LURAP1L: variants seen among roughly 807,000 people sequenced by gnomAD.
The protein encoded by LURAP1L is leucine rich adaptor protein 1 like.
Under a neutral mutation model 13.8 loss-of-function variants are expected in LURAP1L, and 12 were observed. The observed-to-expected ratio is 0.87, with a 90% CI of 0.56 to 1.41. The LOEUF (loss-of-function observed/expected upper bound fraction) is 1.41. LURAP1L is among the 40% of genes most tolerant of loss of function. The pLI, the probability that LURAP1L is intolerant of heterozygous loss-of-function variation, is 0.00. For missense variants in LURAP1L, 375 were observed against 292.9 expected, an observed-to-expected ratio of 1.28 and a Z score of -2.04; for synonymous variants, 139 against 119.2, an observed-to-expected ratio of 1.17 and a Z score of -1.08.
At chr9:12,798,695 A>G (rs181673302) in intron 1 of LURAP1L, among the ~76,000 whole-genome samples, 15 of 152,340 alleles carry the variant, frequency 9.8e-5, no homozygotes, top group Non-Finnish European at 1.9e-4. Context: ...TTTGCAAACT[A>G]TTTAATCTGG....
At chr9:12,790,309 A>G (rs1819423015) in intron 1 of LURAP1L, among the ~76,000 whole-genome samples, 1 of 152,194 alleles carries the variant, frequency 6.6e-6, no homozygotes, top group African/African-American at 2.4e-5. Flanking sequence ...AGCTGTGACT[A>G]ATCAATGCTT....
intron 1 of LURAP1L, among the ~76,000 whole-genome samples, chr9:12,786,572 ATATATAT>A (rs1819357437): frequency 9.3e-5 from 12 of 128,492 alleles, no homozygotes; most frequent in South Asian, 5.5e-4. Flanking sequence ...ATATATATAT[ATATATAT>A]ATAAACCCTT....
At position 12,820,562 on chromosome 9, in the gene LURAP1L, C is replaced by T. The variant is rs1037940935; in HGVS notation, c.313-824C>T. On this transcript the variant is annotated intron_variant, in intron 1 of 1. Transcript: ENST00000319264. Reference sequence around the variant, plus strand: ...CCTAGAAGGCACATAAGGGAATTCTCAGACCTTCCCAACATCTGGTATCCC... The same window carrying T: ...CCTAGAAGGCACATAAGGGAATTCTTAGACCTTCCCAACATCTGGTATCCC... Among the ~76,000 whole-genome samples, 66 of 132,814 alleles carry T rather than the reference C, an allele frequency of 5.0e-4. 1 individual carries two copies. Among genetic ancestry groups the T allele is most frequent in the Non-Finnish European group, 1.7e-4 (11 of 64,888 alleles). The allele number at this position is 132,814 out of a possible 152,430, so 87.1% of individuals were successfully genotyped here. A position where few individuals can be genotyped will look rare whatever the true frequency, so the allele number is the denominator to read the frequency against.
chr9:12,814,853 T>C (rs1819783250), intron 1 of LURAP1L, among the ~76,000 whole-genome samples: 1 of 152,144 alleles, frequency 6.6e-6, no homozygotes, highest in South Asian at 2.1e-4. Flanking sequence ...GTTCCACATA[T>C]AAACAACAAA....
At chr9:12,779,337 CG>C (rs1293763174) in intron 1 of LURAP1L, among the ~76,000 whole-genome samples, 8 of 130,082 alleles carry the variant, frequency 6.1e-5, no homozygotes, top group South Asian at 2.4e-4. Flanking sequence ...TGCAGTGGAG[CG>C]ATCTCGGCTC....
At chr9:12,807,113 A>ATC (rs1338399443) in intron 1 of LURAP1L, among the ~76,000 whole-genome samples, 3 of 139,386 alleles carry the variant, frequency 2.2e-5, no homozygotes, top group African/African-American at 5.3e-5. Context: ...ATATATATAT[A>ATC]TATATTAGCC....
intron 1 of LURAP1L, among the ~76,000 whole-genome samples, chr9:12,816,072 G>A (rs562230404): frequency 1.2e-4 from 19 of 152,158 alleles, no homozygotes; most frequent in South Asian, 4.2e-4. Context: ...AAACAATTTC[G>A]TAATCAAATG....
At chr9:12,777,100 G>C (rs1405712858) in intron 1 of LURAP1L, 1 of 354,478 alleles carries the variant, frequency 2.8e-6, no homozygotes, top group African/African-American at 2.2e-5. Context: ...AGTAGGCTAG[G>C]AGATTTCTAT....
At chr9:12,778,648 T>C (rs1286467332) in intron 1 of LURAP1L, among the ~76,000 whole-genome samples, 3 of 152,204 alleles carry the variant, frequency 2.0e-5, no homozygotes, top group Admixed American at 2.0e-4. Context: ...ATACTCTCTG[T>C]AGAGACGATG....
intron 1 of LURAP1L, among the ~76,000 whole-genome samples, chr9:12,805,469 C>T (rs1025672748): frequency 6.6e-6 from 1 of 152,120 alleles, no homozygotes; most frequent in African/African-American, 2.4e-5. Flanking sequence ...ACCTACAGGA[C>T]TTGAAATTCA....
At chr9:12,794,358 C>CT (rs1323367907) in intron 1 of LURAP1L, among the ~76,000 whole-genome samples, 1 of 151,934 alleles carries the variant, frequency 6.6e-6, no homozygotes, top group Non-Finnish European at 1.5e-5. Context: ...AATTCTGTTA[C>CT]TTTTTTTAAA....
In LURAP1L at chr9:12,785,925, G is replaced by A. The variant is rs544621845; in HGVS notation, c.312+9898G>A. 1.1e-4 allele frequency among the ~76,000 whole-genome samples: 17 copies of A among 152,086 alleles called. No individual in the cohort carries two copies. In the South Asian group the frequency reaches 3.3e-3, roughly 30 times the overall value. On this transcript the variant is annotated intron_variant, in intron 1 of 1. Transcript: ENST00000319264. ...CTGTGGGGGTGACAATTGCTGGAGG[G>A]TTCTATTCAGCCGTCTTGCTCCACT...
chr9:12,778,699 C>T (rs986079455), intron 1 of LURAP1L, among the ~76,000 whole-genome samples: 7 of 152,184 alleles, frequency 4.6e-5, no homozygotes, highest in Non-Finnish European at 1.0e-4. Context: ...GTAGGTTTCC[C>T]TAGCTTCAGT....
intron 1 of LURAP1L, among the ~76,000 whole-genome samples, chr9:12,791,603 T>C (rs573249113): frequency 2.6e-5 from 4 of 151,820 alleles, no homozygotes; most frequent in African/African-American, 9.7e-5. Context: ...TTCCCCCAGA[T>C]GTAAACATTT....
At chr9:12,818,807 G>A (rs909607233) in intron 1 of LURAP1L, among the ~76,000 whole-genome samples, 5 of 152,140 alleles carry the variant, frequency 3.3e-5, no homozygotes, top group African/African-American at 9.7e-5. Context: ...AAATGCAGCC[G>A]TGATTTATTT....
chr9:12,792,442 C>T (rs747782494), intron 1 of LURAP1L, among the ~76,000 whole-genome samples: 1 of 152,110 alleles, frequency 6.6e-6, no homozygotes, highest in Non-Finnish European at 1.5e-5. Flanking sequence ...CTTCTCTCCT[C>T]AGTCCTGAAG....
At chr9:12,787,911 A>C (rs1288406432) in intron 1 of LURAP1L, among the ~76,000 whole-genome samples, 2 of 152,042 alleles carry the variant, frequency 1.3e-5, no homozygotes, top group African/African-American at 4.8e-5. Context: ...CAGGAATTCA[A>C]GACCAACCTG....
intron 1 of LURAP1L, chr9:12,814,326 T>A (rs2118543740): frequency 6.6e-6 from 1 of 152,338 alleles, no homozygotes; most frequent in East Asian, 1.9e-4. Flanking sequence ...CTGGTCTGTG[T>A]TCAATGTGAA....
At chr9:12,788,613 T>C (rs779201544) in intron 1 of LURAP1L, among the ~76,000 whole-genome samples, 11 of 152,084 alleles carry the variant, frequency 7.2e-5, no homozygotes, top group Non-Finnish European at 1.5e-4. Context: ...TAGAAATTTA[T>C]GTAGCTATTA....
Sources: gnomAD v4.1 joint callset for allele counts (sites outside exome capture counted in the v4.1 genomes callset) on GRCh38, gnomAD v4.1.1 for gene constraint, MANE v1.5 for transcripts, NCBI Gene and HGNC (gene_info 2026-07-23, HGNC 2026-07-21) for gene names.